The following RALGAPA2 variants were observed in gnomAD, a reference collection of about 807,000 sequenced individuals.
RALGAPA2 encodes the protein ral GTPase-activating protein subunit alpha-2.
A neutral mutation model predicts 230.4 loss-of-function variants in RALGAPA2; 139 were observed. That is an observed-to-expected ratio of 0.60 (90% CI 0.53 to 0.69). RALGAPA2 has a LOEUF of 0.69. RALGAPA2 is among the 30% of genes least tolerant of loss of function. The probability of loss-of-function intolerance (pLI) is 0.00; values close to 1 mark genes in which losing one functional copy is unlikely to be tolerated. For missense variants in RALGAPA2, 2,163 were observed against 2,276.0 expected (o/e 0.95, Z 1.01); for synonymous variants, 847 against 837.8 (o/e 1.01, Z -0.19).
intron 16 of RALGAPA2, among the ~76,000 whole-genome samples, chr20:20,591,701 C>CACACAT (rs2065296254): frequency 6.6e-6 from 1 of 152,126 alleles, no homozygotes; most frequent in Non-Finnish European, 1.5e-5. Context: ...CACACACACA[C>CACACAT]ACACACATAC....
At chr20:20,697,552 C>T (rs1303653906) in intron 1 of RALGAPA2, among the ~76,000 whole-genome samples, 1 of 152,066 alleles carries the variant, frequency 6.6e-6, no homozygotes, top group East Asian at 1.9e-4. Flanking sequence ...TCTACTTTCT[C>T]GGAAAGACAG....
intron 31 of RALGAPA2, among the ~76,000 whole-genome samples, chr20:20,518,722 A>G (rs955587682): frequency 1.3e-5 from 2 of 152,168 alleles, no homozygotes; most frequent in Non-Finnish European, 2.9e-5. Context: ...TTCCTTTTTC[A>G]ATAACCTATT....
intron 37 of RALGAPA2, among the ~76,000 whole-genome samples, chr20:20,415,934 A>G (rs1321657641): frequency 6.6e-6 from 1 of 152,156 alleles, no homozygotes; most frequent in Non-Finnish European, 1.5e-5. Context: ...TTTAGAAATG[A>G]CAGTAGCAGC....
intron 23 of RALGAPA2, among the ~76,000 whole-genome samples, chr20:20,563,822 GACAA>G (rs1170080349): frequency 3.3e-5 from 5 of 151,570 alleles, no homozygotes; most frequent in South Asian, 4.2e-4. Context: ...CTCACACACA[GACAA>G]ACACACACAC....
At chr20:20,590,586 A>G (rs1461366847) in intron 17 of RALGAPA2, among the ~76,000 whole-genome samples, 2 of 152,260 alleles carry the variant, frequency 1.3e-5, no homozygotes, top group Non-Finnish European at 2.9e-5. Context: ...TGAGAAATCT[A>G]TTCTTCACTG....
intron 17 of RALGAPA2, among the ~76,000 whole-genome samples, chr20:20,590,213 T>C (rs779856462): frequency 2.6e-5 from 4 of 152,088 alleles, no homozygotes; most frequent in Non-Finnish European, 4.4e-5. Flanking sequence ...CTTGAACTTA[T>C]TCCTCCTCCA....
chr20:20,449,102 G>A (rs1293816095), intron 37 of RALGAPA2, among the ~76,000 whole-genome samples: 1 of 152,290 alleles, frequency 6.6e-6, no homozygotes, highest in South Asian at 2.1e-4. Flanking sequence ...TGCTACCTAC[G>A]CTTGAATGAC....
chr20:20,488,872 C>T (rs1322353332), intron 36 of RALGAPA2, among the ~76,000 whole-genome samples: 1 of 152,202 alleles, frequency 6.6e-6, no homozygotes, highest in African/African-American at 2.4e-5. Flanking sequence ...CATGAAGCAG[C>T]CTCAACTGAT....
chr20:20,672,831 TAAGAA>T (rs2068181553), intron 3 of RALGAPA2, among the ~76,000 whole-genome samples: 1 of 152,138 alleles, frequency 6.6e-6, no homozygotes, highest in East Asian at 1.9e-4. Context: ...CCAAGCAAGA[TAAGAA>T]ATCTTCAACT....
chr20:20,392,987 TTTC>T lies in RALGAPA2; in HGVS notation c.*299_*301del. On this transcript the variant is annotated 3_prime_UTR_variant, in exon 40 of 40. Coordinates refer to ENST00000202677, the MANE Select transcript of RALGAPA2 (RefSeq NM_020343.4). Reference sequence around the variant, plus strand: ...TCTCTGGTTTTTGGTGACTTTTTCTTTTCTTCTTTGGAAGTCCAAGGTTTGTGA... The same window carrying T: ...TCTCTGGTTTTTGGTGACTTTTTCTTTTCTTTGGAAGTCCAAGGTTTGTGA... 1 of 1,088,614 alleles carries T rather than the reference TTTC, an allele frequency of 9.2e-7. No individual in the cohort carries two copies. The highest frequency in any genetic ancestry group is 2.9e-5 in the Admixed American group (1 of 34,320). The allele number at this position is 1,088,614 out of a possible 1,614,324, so 67.4% of individuals were successfully genotyped here.
In RALGAPA2 at chr20:20,399,343, C is replaced by CAAAA. The variant is rs11396922; in HGVS notation, c.5618-2613_5618-2610dup. 1.3e-4 allele frequency among the ~76,000 whole-genome samples: 15 copies of CAAAA among 115,886 alleles called. 1 individual carries two copies. Among genetic ancestry groups the CAAAA allele is most frequent in the Non-Finnish European group, 1.7e-4 (10 of 58,596 alleles). 76.0% of individuals were successfully genotyped at this position (115,886 alleles called of 152,430 possible). On this transcript the variant is annotated intron_variant, in intron 38 of 39. Transcript: ENST00000202677. ...TGGGCAATAGAGCGAAACTCCGTCT[C>CAAAA]AAAAAAAAAAAAAAAAAAAGTTGTG...
At chr20:20,612,020 G>T (rs932986021) in intron 13 of RALGAPA2, among the ~76,000 whole-genome samples, 1 of 152,154 alleles carries the variant, frequency 6.6e-6, no homozygotes, top group Non-Finnish European at 1.5e-5. Flanking sequence ...TGAGACAAAT[G>T]CCATCACTGC....
chr20:20,677,479 G>A (rs1204003264), intron 2 of RALGAPA2, among the ~76,000 whole-genome samples: 3 of 152,030 alleles, frequency 2.0e-5, no homozygotes, highest in South Asian at 4.2e-4. Context: ...CTTAAGGCTG[G>A]AGCACACAAG....
chr20:20,572,672 C>T (rs2064683427), intron 21 of RALGAPA2, among the ~76,000 whole-genome samples: 1 of 152,142 alleles, frequency 6.6e-6, no homozygotes, highest in African/African-American at 2.4e-5. Context: ...CAATATTCTA[C>T]TTTTGCACTA....
At chr20:20,440,027 T>C (rs1191840527) in intron 37 of RALGAPA2, among the ~76,000 whole-genome samples, 2 of 152,234 alleles carry the variant, frequency 1.3e-5, no homozygotes, top group Non-Finnish European at 2.9e-5. Context: ...ATAATGTCTA[T>C]TTCTTAATTA....
At position 20,620,605 on chromosome 20, in the gene RALGAPA2, A is replaced by G. The variant is rs2066289838; in HGVS notation, c.1259T>C (p.Ile420Thr). 6.2e-7 allele frequency: 1 copy of G among 1,610,890 alleles called. No homozygotes were observed. The highest frequency in any genetic ancestry group is 8.5e-7 in the Non-Finnish European group (1 of 1,179,006). Residue 420 changes from isoleucine to threonine, a missense_variant, in exon 11 of 40, where the codon ATA becomes ACA. Physicochemically the swap from Ile to Thr is moderately conservative, Grantham distance 89. Coordinates refer to ENST00000202677, the MANE Select transcript of RALGAPA2 (RefSeq NM_020343.4). Reference sequence around the variant, plus strand: ...TTGAACTACTTTTCTTGTTACAGCTATCTCACAGGAAGGCAACAAAAATGC... The same window carrying G: ...TTGAACTACTTTTCTTGTTACAGCTGTCTCACAGGAAGGCAACAAAAATGC... ...HQAFLLPSCE[I>T]AVTRKVVQVY...
At chr20:20,406,737 C>T (rs1179918225) in intron 38 of RALGAPA2, among the ~76,000 whole-genome samples, 2 of 152,112 alleles carry the variant, frequency 1.3e-5, no homozygotes, top group South Asian at 2.1e-4. Context: ...CATGGTGAAC[C>T]CCTGTCTCTA....
chr20:20,610,750 G>A (rs993208231), intron 14 of RALGAPA2, among the ~76,000 whole-genome samples: 1 of 151,994 alleles, frequency 6.6e-6, no homozygotes, highest in Non-Finnish European at 1.5e-5. Flanking sequence ...CTCCAGGTGG[G>A]ACTCATCCCA....
intron 2 of RALGAPA2, among the ~76,000 whole-genome samples, chr20:20,679,093 G>A (rs61007578): frequency 0.011 from 1,686 of 152,002 alleles, 30 homozygotes; most frequent in African/African-American, 0.039. Flanking sequence ...GCAATAACAC[G>A]ATTTCACCTC....
Sources: gnomAD v4.1 joint callset for allele counts (sites outside exome capture counted in the v4.1 genomes callset) on GRCh38, gnomAD v4.1.1 for gene constraint, MANE v1.5 for transcripts, NCBI Gene and HGNC (gene_info 2026-07-23, HGNC 2026-07-21) for gene names.